The following SRPK2 variants were observed in gnomAD, a reference collection of about 807,000 sequenced individuals.
The protein encoded by SRPK2 is SRSF protein kinase 2.
SRPK2 carries 21 observed loss-of-function variants against 90.8 expected under a neutral mutation model. The observed-to-expected ratio is 0.23, with a 90% CI of 0.16 to 0.33. The LOEUF (loss-of-function observed/expected upper bound fraction) is 0.33, where lower values mean the gene tolerates loss of function less well. Among genes scored for constraint, SRPK2 ranks in the 10% least tolerant of loss-of-function variants. The pLI is 1.00. For missense variants in SRPK2, 620 were observed against 869.0 expected (o/e 0.71, Z 3.60); for synonymous variants, 288 against 311.1 (o/e 0.93, Z 0.78).
At chr7:105,396,774 A>AAGAAAG (rs148945290) in intron 1 of SRPK2, among the ~76,000 whole-genome samples, 39,622 of 138,758 alleles carry the variant, frequency 0.29, 6,973 homozygotes, top group East Asian at 0.61. Flanking sequence ...GAGAGAAAGA[A>AAGAAAG]AGAGAGAGAA....
intron 2 of SRPK2, among the ~76,000 whole-genome samples, chr7:105,353,826 TC>T (rs1317330263): frequency 2.6e-5 from 4 of 152,148 alleles, no homozygotes; most frequent in Non-Finnish European, 5.9e-5. Flanking sequence ...TTTTAATTCT[TC>T]CCAGTACAAA....
At chr7:105,301,488 T>C in intron 2 of SRPK2, 1 of 1,109,764 alleles carries the variant, frequency 9.0e-7, no homozygotes, top group South Asian at 1.2e-5. Flanking sequence ...GCAAGCACCG[T>C]CCACTCAGGA....
chr7:105,224,401 G>A lies in SRPK2; in HGVS notation c.72-20616C>T, dbSNP rs1798465707. Among the ~76,000 whole-genome samples the A allele has an allele frequency of 2.6e-5, 4 of 152,200 alleles. No homozygotes were observed. The South Asian group carries it at 6.2e-4, about 24-fold the overall frequency. On this transcript the variant is annotated intron_variant, in intron 2 of 15. Coordinates refer to ENST00000393651, the MANE Select transcript of SRPK2 (RefSeq NM_182692.3). Reference sequence around the variant, plus strand: ...GAGGCGGGCAGATCACCTGAGGTCAGGAGTTCAAGACTAGCCTGGCTAACA... The same window carrying A: ...GAGGCGGGCAGATCACCTGAGGTCAAGAGTTCAAGACTAGCCTGGCTAACA...
In SRPK2 at chr7:105,142,093, T is replaced by C. The variant is rs774217477; in HGVS notation, c.1458A>G (p.Ser486=). 4 of 1,614,040 alleles carry C rather than the reference T, an allele frequency of 2.5e-6. No individual in the cohort carries two copies. The highest frequency in any genetic ancestry group is 2.7e-5 in the African/African-American group (2 of 74,904). The stretch of plus-strand genomic sequence containing the variant: ...TGCTCTCCTCTTGCTCAGTAAGTGG[T>C]GATCCCTCAGAAAGCACAGAGCCGC... ...VACGSVLSEG[S]PLTEQEESSP... Residue 486 remains serine (S), a synonymous_variant, in exon 11 of 16, where the codon TCA becomes TCG. Coordinates refer to ENST00000393651, the MANE Select transcript of SRPK2 (RefSeq NM_182692.3).
At chr7:105,269,258 T>G (rs933076576) in intron 2 of SRPK2, among the ~76,000 whole-genome samples, 4 of 152,094 alleles carry the variant, frequency 2.6e-5, no homozygotes, top group South Asian at 2.1e-4. Flanking sequence ...CGTCACAGGC[T>G]GTAATAAACA....
intron 2 of SRPK2, among the ~76,000 whole-genome samples, chr7:105,350,520 ATTT>A (rs1292529651): frequency 1.6e-5 from 2 of 126,964 alleles, no homozygotes; most frequent in Middle Eastern, 4.5e-3. Context: ...GGTTGCTACA[ATTT>A]TTTTTCTTTT....
At chr7:105,205,998 T>G (rs746017205) in intron 2 of SRPK2, 9 of 518,910 alleles carry the variant, frequency 1.7e-5, no homozygotes, top group Non-Finnish European at 3.5e-5. Flanking sequence ...ATGATGGCTC[T>G]TGTGCTGCCA....
In SRPK2 at chr7:105,271,901, C is replaced by T. The variant is rs926168994; in HGVS notation, c.72-68116G>A. On this transcript the variant is annotated intron_variant, in intron 2 of 15. Coordinates refer to ENST00000393651, the MANE Select transcript of SRPK2 (RefSeq NM_182692.3). ...CAATCTTTTCCTTGTTAAATTCTGG[C>T]CTTCCTGATAAACTTAGAAACAAAC... 2.6e-5 allele frequency among the ~76,000 whole-genome samples: 4 copies of T among 152,138 alleles called. No homozygotes were observed. The East Asian group carries it at 7.7e-4, about 29-fold the overall frequency.
chr7:105,130,142 G>A (rs919209028), intron 13 of SRPK2, among the ~76,000 whole-genome samples: 7 of 152,190 alleles, frequency 4.6e-5, no homozygotes, highest in Non-Finnish European at 1.0e-4. Context: ...CCCTCATTCT[G>A]TTGTGCTTCT....
At chr7:105,236,747 C>G (rs985479948) in intron 2 of SRPK2, among the ~76,000 whole-genome samples, 3 of 152,118 alleles carry the variant, frequency 2.0e-5, no homozygotes, top group African/African-American at 7.2e-5. Flanking sequence ...TAACCAACAA[C>G]AGGAGCAAAG....
chr7:105,141,303 T>C (rs1389808954), intron 11 of SRPK2, among the ~76,000 whole-genome samples: 1 of 152,114 alleles, frequency 6.6e-6, no homozygotes, highest in Non-Finnish European at 1.5e-5. Context: ...GTCTTGTCAG[T>C]AGAGGGAGCA....
chr7:105,201,636 A>G (rs571420604), intron 3 of SRPK2, among the ~76,000 whole-genome samples: 68 of 7,384 alleles, frequency 9.2e-3, no homozygotes, highest in African/African-American at 0.022. Flanking sequence ...CTACCAGAAG[A>G]AAAAAAAAAA....
intron 2 of SRPK2, among the ~76,000 whole-genome samples, chr7:105,273,258 C>CT (rs1334444454): frequency 6.6e-6 from 1 of 151,636 alleles, no homozygotes; most frequent in African/African-American, 2.4e-5. Context: ...TCCATTCTCT[C>CT]TTTTTTATAT....
chr7:105,348,822 C>A (rs1256464726), intron 2 of SRPK2, among the ~76,000 whole-genome samples: 1 of 151,836 alleles, frequency 6.6e-6, no homozygotes, highest in Non-Finnish European at 1.5e-5. Context: ...CATGCCAGCA[C>A]TGAAAACAGA....
intron 2 of SRPK2, among the ~76,000 whole-genome samples, chr7:105,348,855 A>G (rs1816796485): frequency 6.6e-6 from 1 of 151,982 alleles, no homozygotes; most frequent in Admixed American, 6.6e-5. Flanking sequence ...AAAAATGAAT[A>G]TATCAGAGCA....
At chr7:105,286,605 T>C (rs2130919515) in intron 2 of SRPK2, among the ~76,000 whole-genome samples, 1 of 152,306 alleles carries the variant, frequency 6.6e-6, no homozygotes, top group East Asian at 1.9e-4. Context: ...AATCACTCTC[T>C]GGGGGTGGTA....
Position 105,117,180 on chromosome 7 carries a change from C to T in SRPK2, c.*658G>A, listed in dbSNP as rs1799712252. On this transcript the variant is annotated 3_prime_UTR_variant, in exon 16 of 16. Transcript: ENST00000393651. ...AATGACATCTTATAACCCAGAGCCA[C>T]TTTGTTTAAAATCCAATGTGAAAAG... 6.6e-6 allele frequency: 1 copy of T among 152,274 alleles called. No homozygotes were observed. Among genetic ancestry groups the T allele is most frequent in the Admixed American group, 6.5e-5 (1 of 15,274 alleles). The allele number at this position is 152,274 out of a possible 1,614,324, so 9.4% of individuals were successfully genotyped here. A position where few individuals can be genotyped will look rare whatever the true frequency, so the allele number is the denominator to read the frequency against.
intron 2 of SRPK2, among the ~76,000 whole-genome samples, chr7:105,310,290 C>G (rs1811566060): frequency 6.6e-6 from 1 of 152,162 alleles, no homozygotes; most frequent in Admixed American, 6.6e-5. Context: ...AATAATGGAT[C>G]ACACATCAGT....
chr7:105,376,474 CT>C (rs1288383829), intron 2 of SRPK2, among the ~76,000 whole-genome samples: 1 of 151,854 alleles, frequency 6.6e-6, no homozygotes, highest in East Asian at 1.9e-4. Context: ...CCAAATACCC[CT>C]TTTCTTGCCC....
Sources: gnomAD v4.1 joint callset for allele counts (sites outside exome capture counted in the v4.1 genomes callset) on GRCh38, gnomAD v4.1.1 for gene constraint, MANE v1.5 for transcripts, NCBI Gene and HGNC (gene_info 2026-07-23, HGNC 2026-07-21) for gene names.